ALDH1L1: variants seen among roughly 807,000 people sequenced by gnomAD.
ALDH1L1 encodes aldehyde dehydrogenase 1 family member L1, also known as cytosolic 10-formyltetrahydrofolate dehydrogenase.
In ALDH1L1, 68 loss-of-function variants were observed where a neutral mutation model predicts 101.1. That is an observed-to-expected ratio of 0.67 (90% CI 0.55 to 0.82). The LOEUF is 0.82. Ranked by LOEUF, ALDH1L1 falls within the 40% of genes least tolerant of loss-of-function variation. The pLI is 0.00. For missense variants in ALDH1L1, 1,087 were observed against 1,172.7 expected (o/e 0.93, Z 1.07); for synonymous variants, 486 against 470.8 (o/e 1.03, Z -0.42).
At chr3:126,123,537 T>A (rs1378744608) in intron 16 of ALDH1L1, among the ~76,000 whole-genome samples, 1 of 151,640 alleles carries the variant, frequency 6.6e-6, no homozygotes, top group Admixed American at 6.6e-5. Flanking sequence ...GGATTACAGG[T>A]GTGAGCCACT....
intron 7 of ALDH1L1, 58 bp downstream of exon 7, chr3:126,153,386 C>G (rs762960165): frequency 6.2e-7 from 1 of 1,606,694 alleles, no homozygotes; most frequent in East Asian, 2.2e-5. Flanking sequence ...GGCCTGAGTC[C>G]AAGGACAGGA....
chr3:126,133,021 G>C (rs1052593082), intron 12 of ALDH1L1, among the ~76,000 whole-genome samples: 3 of 152,190 alleles, frequency 2.0e-5, no homozygotes, highest in African/African-American at 7.2e-5. Context: ...ATCACCTAGC[G>C]GCCGATAGAG....
chr3:126,192,255 A>C (rs947153362), intron 1 of ALDH1L1, among the ~76,000 whole-genome samples: 13 of 152,342 alleles, frequency 8.5e-5, no homozygotes, highest in Admixed American at 7.2e-4. Flanking sequence ...GAATATTACA[A>C]GGACTGATAC....
At chr3:126,183,444 A>T (rs1159822587), upstream of ALDH1L1, among the ~76,000 whole-genome samples, 1 of 152,190 alleles carries the variant, frequency 6.6e-6, no homozygotes, top group East Asian at 1.9e-4. Flanking sequence ...AACTATACGG[A>T]TATGAACCTG....
At chr3:126,147,043 T>C (rs2080706315) in intron 8 of ALDH1L1, 117 bp from the exon 9 acceptor site, 1 of 928,490 alleles carries the variant, frequency 1.1e-6, no homozygotes, top group African/African-American at 1.7e-5. Flanking sequence ...TGGGCTTCTC[T>C]ATGTACCTCC....
rs3821458 is a variant in ALDH1L1, at chr3:126,130,004, G to A, written c.1694+219C>T. 5 of 410,772 alleles carry A rather than the reference G, an allele frequency of 1.2e-5. No homozygotes were observed. The South Asian group carries it at 2.5e-4, about 21-fold the overall frequency. The allele number at this position is 410,772 out of a possible 1,614,324, so 25.4% of individuals were successfully genotyped here. A position where few individuals can be genotyped will look rare whatever the true frequency, so the allele number is the denominator to read the frequency against. ...TTTGGGTTTACTCTTGTTTCCCACC[G>A]TGGACCTGACTGATCCAGTGTTACT... On this transcript the variant is annotated intron_variant, in intron 14 of 22. Transcript: ENST00000393434.
At chr3:126,135,749 G>T in intron 11 of ALDH1L1, 87 bp from the exon 12 acceptor site, 1 of 1,423,500 alleles carries the variant, frequency 7.0e-7, no homozygotes, top group Admixed American at 2.8e-5. Context: ...TCCTCCTGGG[G>T]CCCCAGTGAG....
At chr3:126,186,950 G>C (rs2081522561) in intron 1 of ALDH1L1, among the ~76,000 whole-genome samples, 1 of 152,172 alleles carries the variant, frequency 6.6e-6, no homozygotes, top group Non-Finnish European at 1.5e-5. Flanking sequence ...ACCTGAAACT[G>C]CACGGACGCT....
At chr3:126,112,436 C>A (rs1277425540) in intron 19 of ALDH1L1, among the ~76,000 whole-genome samples, 2 of 152,216 alleles carry the variant, frequency 1.3e-5, no homozygotes, top group African/African-American at 2.4e-5. Context: ...GTCCAGTCCT[C>A]CCCTGGTCTC....
At position 126,110,820 on chromosome 3, in the gene ALDH1L1, C is replaced by T. The variant is rs112518585; in HGVS notation, c.2182-711G>A. 7.9e-3 allele frequency among the ~76,000 whole-genome samples: 1,199 copies of T among 152,302 alleles called. 16 individuals are homozygous for T. Among genetic ancestry groups the T allele is most frequent in the African/African-American group, 0.027 (1,124 of 41,558 alleles). On this transcript the variant is annotated intron_variant, in intron 19 of 22. Coordinates refer to ENST00000393434, the MANE Select transcript of ALDH1L1 (RefSeq NM_012190.4). ...CTGCTCCTGTCCTGTCGCCCCAAAC[C>T]GCACCCCGATCAAATGGCTTTGTAT...
At chr3:126,133,674 C>T (rs2080360479) in intron 12 of ALDH1L1, among the ~76,000 whole-genome samples, 1 of 152,248 alleles carries the variant, frequency 6.6e-6, no homozygotes. Context: ...CCATGCTCCC[C>T]AGAGCCCAGT....
At chr3:126,173,307 G>T (rs990380926) in intron 1 of ALDH1L1, among the ~76,000 whole-genome samples, 1 of 152,104 alleles carries the variant, frequency 6.6e-6, no homozygotes, top group African/African-American at 2.4e-5. Flanking sequence ...AATAAGGCAT[G>T]GGAGGGAGGA....
intron 9 of ALDH1L1, among the ~76,000 whole-genome samples, chr3:126,140,608 T>C (rs753810846): frequency 1.3e-5 from 2 of 152,068 alleles, no homozygotes; most frequent in Non-Finnish European, 2.9e-5. Flanking sequence ...TTAATGGGTA[T>C]ACAATGTATA....
chr3:126,107,377 C>A, intron 20 of ALDH1L1, 131 bp from the exon 21 acceptor site: 2 of 692,596 alleles, frequency 2.9e-6, no homozygotes, highest in Non-Finnish European at 5.2e-6. Flanking sequence ...TCACGGCACC[C>A]GTGTGATGGG....
At chr3:126,175,478 T>C (rs562985635) in intron 1 of ALDH1L1, among the ~76,000 whole-genome samples, 1 of 152,222 alleles carries the variant, frequency 6.6e-6, no homozygotes, top group East Asian at 1.9e-4. Context: ...AAATCAGCAA[T>C]TGAATCCAAC....
intron 20 of ALDH1L1, among the ~76,000 whole-genome samples, chr3:126,107,562 G>T (rs1945925959): frequency 6.6e-6 from 1 of 152,238 alleles, no homozygotes; most frequent in South Asian, 2.1e-4. Context: ...CCGAAGCAAA[G>T]ACTTGAGCTT....
At chr3:126,158,903 C>G (rs2080976974) in intron 2 of ALDH1L1, among the ~76,000 whole-genome samples, 1 of 152,224 alleles carries the variant, frequency 6.6e-6, no homozygotes, top group Admixed American at 6.5e-5. Flanking sequence ...TGGCTGACCT[C>G]TGCCCTCATT....
intron 17 of ALDH1L1, 74 bp downstream of exon 17, chr3:126,117,931 T>C (rs2080005485): frequency 7.1e-7 from 1 of 1,403,144 alleles, no homozygotes; most frequent in South Asian, 1.2e-5. Context: ...AGGACACAGC[T>C]CCTGGGACAG....
intron 8 of ALDH1L1, among the ~76,000 whole-genome samples, chr3:126,148,381 G>A (rs548161978): frequency 8.5e-5 from 13 of 152,296 alleles, no homozygotes; most frequent in African/African-American, 2.2e-4. Context: ...ACTACCTGCC[G>A]AGCCCACAGC....
Sources: allele counts gnomAD v4.1 joint callset (sites outside exome capture counted in the v4.1 genomes callset), GRCh38; gene constraint gnomAD v4.1.1; transcripts MANE v1.5; gene names NCBI Gene and HGNC (gene_info 2026-07-23, HGNC 2026-07-21).